ANKRD6: variants seen among roughly 807,000 people sequenced by gnomAD.
The protein encoded by ANKRD6 is ankyrin repeat domain 6.
In ANKRD6, 56 loss-of-function variants were observed where a neutral mutation model predicts 82.3. That is an observed-to-expected ratio of 0.68 (90% CI 0.55 to 0.85). The LOEUF is 0.85. Among genes scored for constraint, ANKRD6 ranks in the 40% least tolerant of loss-of-function variants. The pLI is 0.00. For missense variants in ANKRD6, 852 were observed against 907.6 expected (o/e 0.94, Z 0.79); for synonymous variants, 347 against 352.1 (o/e 0.99, Z 0.16).
intron 2 of ANKRD6, among the ~76,000 whole-genome samples, chr6:89,578,586 G>A (rs552358942): frequency 1.4e-4 from 22 of 152,178 alleles, no homozygotes; most frequent in Non-Finnish European, 2.9e-4. Context: ...ATGAGCCACC[G>A]CATCCAGCCT....
intron 2 of ANKRD6, among the ~76,000 whole-genome samples, chr6:89,579,041 T>C (rs1325737787): frequency 6.6e-6 from 1 of 152,178 alleles, no homozygotes; most frequent in African/African-American, 2.4e-5. Flanking sequence ...TGTCCTTGCC[T>C]CCTGCACACC....
At chr6:89,616,256 G>C in intron 7 of ANKRD6, 1 of 348,514 alleles carries the variant, frequency 2.9e-6, no homozygotes, top group Non-Finnish European at 5.3e-6. Context: ...TCCTGTCCTC[G>C]TGAGGCTTCA....
chr6:89,444,308 A>G (rs1771790131), intron 1 of ANKRD6, among the ~76,000 whole-genome samples: 1 of 152,202 alleles, frequency 6.6e-6, no homozygotes, highest in Admixed American at 6.5e-5. Context: ...TCAGTAATGA[A>G]TAACAGCAAA....
At chr6:89,474,309 T>TC (rs1055867556) in intron 1 of ANKRD6, among the ~76,000 whole-genome samples, 2 of 152,194 alleles carry the variant, frequency 1.3e-5, no homozygotes, top group Non-Finnish European at 2.9e-5. Flanking sequence ...TTATCTTTTT[T>TC]CCCACATCTC....
intron 2 of ANKRD6, among the ~76,000 whole-genome samples, chr6:89,591,034 A>T (rs1323677366): frequency 6.6e-6 from 1 of 152,208 alleles, no homozygotes; most frequent in African/African-American, 2.4e-5. Context: ...AGTTAAGCTG[A>T]ACTGATCTTT....
In ANKRD6 at chr6:89,452,773, G is replaced by A. The variant is rs551394629; in HGVS notation, c.-144+19398G>A. On this transcript the variant is annotated intron_variant, in intron 1 of 15. Transcript: ENST00000339746. Reference sequence around the variant, plus strand: ...AATGGACAATAAAGATGCCCTTTACGAGAAGTCTGTTTCATGAAAGACTGG... The same window carrying A: ...AATGGACAATAAAGATGCCCTTTACAAGAAGTCTGTTTCATGAAAGACTGG... 2.6e-5 allele frequency among the ~76,000 whole-genome samples: 4 copies of A among 152,194 alleles called. 1 individual carries two copies. In the South Asian group the frequency reaches 6.2e-4, roughly 24 times the overall value.
intron 2 of ANKRD6, among the ~76,000 whole-genome samples, chr6:89,573,056 G>A (rs1423488601): frequency 6.6e-6 from 1 of 152,014 alleles, no homozygotes; most frequent in Non-Finnish European, 1.5e-5. Flanking sequence ...AACCTCCTGG[G>A]CTCAAGCAAT....
intron 1 of ANKRD6, among the ~76,000 whole-genome samples, chr6:89,554,309 C>T (rs928398696): frequency 6.6e-6 from 1 of 152,140 alleles, no homozygotes; most frequent in Non-Finnish European, 1.5e-5. Flanking sequence ...GGCTTGTGGC[C>T]ATATCACTCC....
intron 2 of ANKRD6, among the ~76,000 whole-genome samples, chr6:89,574,523 A>G (rs1453759057): frequency 6.6e-6 from 1 of 152,220 alleles, no homozygotes; most frequent in Non-Finnish European, 1.5e-5. Flanking sequence ...TAACTCATCC[A>G]GTGCCTAGCA....
chr6:89,598,529 C>A, intron 3 of ANKRD6: 1 of 500,212 alleles, frequency 2.0e-6, no homozygotes, highest in Non-Finnish European at 2.6e-6. Flanking sequence ...GAGGCGCACA[C>A]TGCACCCTTG....
chr6:89,608,382 A>ATATATATATATATT lies in ANKRD6; in HGVS notation c.417+2280_417+2281insATATATATATTTAT, dbSNP rs1181597705. On this transcript the variant is annotated intron_variant, in intron 5 of 15. Coordinates refer to ENST00000339746, the MANE Select transcript of ANKRD6 (RefSeq NM_001242809.2). ...ACACACACACACTATATATATATAT[A>ATATATATATATATT]TATGTACAATTTCATGGCCAAGTCA... 1.6e-4 allele frequency among the ~76,000 whole-genome samples: 17 copies of ATATATATATATATT among 104,770 alleles called. No homozygotes were observed. In the East Asian group the frequency reaches 3.6e-3, roughly 22 times the overall value. The allele number at this position is 104,770 out of a possible 152,430, so 68.7% of individuals were successfully genotyped here.
intron 1 of ANKRD6, among the ~76,000 whole-genome samples, chr6:89,495,537 A>G (rs1778509608): frequency 6.6e-6 from 1 of 152,128 alleles, no homozygotes; most frequent in African/African-American, 2.4e-5. Flanking sequence ...TACTATATAA[A>G]TGGAATCAAC....
At chr6:89,599,346 A>G (rs568380593) in intron 3 of ANKRD6, among the ~76,000 whole-genome samples, 3 of 152,330 alleles carry the variant, frequency 2.0e-5, no homozygotes, top group South Asian at 2.1e-4. Context: ...GCACTCTAGC[A>G]TAGGTGACAG....
intron 1 of ANKRD6, among the ~76,000 whole-genome samples, chr6:89,496,183 C>G (rs557688493): frequency 1.3e-4 from 19 of 151,772 alleles, no homozygotes; most frequent in Admixed American, 9.8e-4. Context: ...ACTGCCCCCC[C>G]CCCCACCATA....
intron 1 of ANKRD6, among the ~76,000 whole-genome samples, chr6:89,527,601 C>CAAAAAAAAAAA (rs35855223): frequency 1.1e-3 from 51 of 45,470 alleles, no homozygotes; most frequent in Non-Finnish European, 1.3e-3. Context: ...GACTCCGTCT[C>CAAAAAAAAAAA]AAAAAAAAAA....
intron 10 of ANKRD6, 110 bp downstream of exon 10, chr6:89,622,136 TCTC>T: frequency 1.1e-6 from 1 of 881,168 alleles, no homozygotes; most frequent in Middle Eastern, 3.6e-4. Flanking sequence ...CCTCTCTGCC[TCTC>T]CTCCTTGCTG....
chr6:89,560,162 TACCATA>T (rs2128048830), intron 1 of ANKRD6, among the ~76,000 whole-genome samples: 1 of 152,318 alleles, frequency 6.6e-6, no homozygotes, highest in East Asian at 1.9e-4. Flanking sequence ...CTGCTTGAGC[TACCATA>T]ACAAAATACC....
At chr6:89,474,574 C>T (rs553654128) in intron 1 of ANKRD6, among the ~76,000 whole-genome samples, 180 of 152,232 alleles carry the variant, frequency 1.2e-3, no homozygotes, top group Middle Eastern at 3.4e-3. Flanking sequence ...CCTGCCACCA[C>T]GCCTGGCTAA....
chr6:89,472,838 G>A (rs1200020589), intron 1 of ANKRD6, among the ~76,000 whole-genome samples: 1 of 152,134 alleles, frequency 6.6e-6, no homozygotes, highest in South Asian at 2.1e-4. Flanking sequence ...CAGAGGAACG[G>A]TGGTCACTGC....
Sources: gnomAD v4.1 joint callset for allele counts (sites outside exome capture counted in the v4.1 genomes callset) on GRCh38, gnomAD v4.1.1 for gene constraint, MANE v1.5 for transcripts, NCBI Gene and HGNC (gene_info 2026-07-23, HGNC 2026-07-21) for gene names.